The following ENOX2 variants were observed in gnomAD, a reference collection of about 807,000 sequenced individuals.
The protein encoded by ENOX2 is ecto-NOX disulfide-thiol exchanger 2.
ENOX2 carries 36 observed loss-of-function variants against 45.0 expected under a neutral mutation model. The observed-to-expected ratio is 0.80, with a 90% CI of 0.61 to 1.06. ENOX2 has a LOEUF of 1.06. ENOX2 is among the 50% of genes least tolerant of loss of function. The pLI, the probability that ENOX2 is intolerant of heterozygous loss-of-function variation, is 0.00. For synonymous variants in ENOX2, 174 were observed against 152.3 expected, an observed-to-expected ratio of 1.14 and a Z score of -1.05; for missense variants, 423 against 462.5, an observed-to-expected ratio of 0.91 and a Z score of 0.78.
chrX:130,897,418 A>T (rs1227928741), intron 2 of ENOX2, among the ~76,000 whole-genome samples: 1 of 112,404 alleles, frequency 8.9e-6, no homozygotes, highest in Admixed American at 9.4e-5. Flanking sequence ...TGGAAAATAA[A>T]GAAAACAGAG....
chrX:130,645,290 C>A (rs774371425), intron 10 of ENOX2, among the ~76,000 whole-genome samples: 73 of 111,460 alleles, frequency 6.5e-4, no homozygotes, highest in Admixed American at 1.1e-3. Flanking sequence ...TAAGGGTAGA[C>A]ATAAATTAGA....
chrX:130,873,885 G>A (rs993518726), intron 2 of ENOX2, among the ~76,000 whole-genome samples: 2 of 108,476 alleles, frequency 1.8e-5, no homozygotes, highest in Non-Finnish European at 3.8e-5. Context: ...CACACACGGG[G>A]GCCTGTCAGG....
chrX:130,773,456 T>C (rs933070655), intron 3 of ENOX2, among the ~76,000 whole-genome samples: 16 of 112,653 alleles, frequency 1.4e-4, no homozygotes, highest in Admixed American at 7.6e-4. Flanking sequence ...GGGAATGGTG[T>C]CTATCTTACA....
At chrX:130,692,394 T>A (rs1391421628) in intron 4 of ENOX2, among the ~76,000 whole-genome samples, 1 of 112,761 alleles carries the variant, frequency 8.9e-6, no homozygotes, top group African/African-American at 3.2e-5. Flanking sequence ...TTTCAAAGAT[T>A]TGAAATCATA....
At chrX:130,758,024 T>C (rs1000172840) in intron 3 of ENOX2, among the ~76,000 whole-genome samples, 4 of 112,346 alleles carry the variant, frequency 3.6e-5, no homozygotes, top group Non-Finnish European at 7.5e-5. Flanking sequence ...ATACAGTTGT[T>C]ATGAGAAGTA....
intron 3 of ENOX2, among the ~76,000 whole-genome samples, chrX:130,754,240 T>C (rs1303274397): frequency 4.5e-5 from 5 of 111,974 alleles, no homozygotes; most frequent in Admixed American, 9.4e-5. Context: ...AGCTGAAGTA[T>C]AAAATTTCTT....
At chrX:130,645,856 G>C in intron 10 of ENOX2, 1 of 681,949 alleles carries the variant, frequency 1.5e-6, no homozygotes. Context: ...GTGAGAGAGA[G>C]GAATCCCCTG....
chrX:130,826,236 T>C (rs765790831), intron 2 of ENOX2, among the ~76,000 whole-genome samples: 2 of 112,137 alleles, frequency 1.8e-5, no homozygotes, highest in Non-Finnish European at 3.8e-5. Context: ...AGACATTATG[T>C]CAACTCTGAA....
At chrX:130,873,350 T>C (rs952617596) in intron 2 of ENOX2, among the ~76,000 whole-genome samples, 2 of 111,939 alleles carry the variant, frequency 1.8e-5, no homozygotes, top group African/African-American at 6.5e-5. Flanking sequence ...TGAGATACCA[T>C]CTCACACCAG....
intron 12 of ENOX2, among the ~76,000 whole-genome samples, chrX:130,631,902 C>G (rs1459536449): frequency 1.9e-5 from 2 of 108,101 alleles, no homozygotes; most frequent in African/African-American, 3.4e-5. Context: ...ATGCTAGGCA[C>G]TGTTAGGTAA....
intron 3 of ENOX2, among the ~76,000 whole-genome samples, chrX:130,756,306 C>G (rs2039353922): frequency 8.9e-6 from 1 of 112,100 alleles, no homozygotes; most frequent in African/African-American, 3.2e-5. Context: ...CAAATTGCTG[C>G]CTGCGGATGT....
chrX:130,801,585 C>T (rs751660143), intron 2 of ENOX2, among the ~76,000 whole-genome samples: 1 of 111,829 alleles, frequency 8.9e-6, no homozygotes, highest in Non-Finnish European at 1.9e-5. Context: ...CTTCATAATA[C>T]CGTAATTCAT....
At chrX:130,703,992 C>T (rs1442551103) in intron 3 of ENOX2, among the ~76,000 whole-genome samples, 1 of 112,041 alleles carries the variant, frequency 8.9e-6, no homozygotes, top group Admixed American at 9.5e-5. Context: ...ACTTGGCATG[C>T]ATCATTCTCA....
At chrX:130,866,153 A>G (rs774096407) in intron 2 of ENOX2, among the ~76,000 whole-genome samples, 29 of 111,476 alleles carry the variant, frequency 2.6e-4, no homozygotes, top group Admixed American at 1.0e-3. Context: ...TCTAGTCTCA[A>G]TATCAATCCT....
chrX:130,703,644 T>G (rs765959851), intron 3 of ENOX2, among the ~76,000 whole-genome samples: 1 of 111,435 alleles, frequency 9.0e-6, no homozygotes, highest in Non-Finnish European at 1.9e-5. Flanking sequence ...TCCAAACTAC[T>G]TATGCATGTA....
intron 2 of ENOX2, among the ~76,000 whole-genome samples, chrX:130,892,838 A>T (rs1399345249): frequency 3.5e-5 from 4 of 112,777 alleles, no homozygotes; most frequent in East Asian, 5.5e-4. Flanking sequence ...AAAATTTTTT[A>T]AAACTGTACT....
At chrX:130,722,473 C>T (rs2038504092) in intron 3 of ENOX2, among the ~76,000 whole-genome samples, 1 of 112,031 alleles carries the variant, frequency 8.9e-6, no homozygotes, top group Non-Finnish European at 1.9e-5. Flanking sequence ...CAGCTGCTTG[C>T]TATTTCCTGG....
chrX:130,703,087 T>C (rs373541381), intron 4 of ENOX2, 33 bp downstream of exon 4: 1 of 1,178,056 alleles, frequency 8.5e-7, no homozygotes, highest in Non-Finnish European at 1.1e-6. Flanking sequence ...TCAATAAAAA[T>C]AAGCACTTGC....
chrX:130,902,508 CA>C (rs1209264818), intron 1 of ENOX2, among the ~76,000 whole-genome samples: 2 of 108,397 alleles, frequency 1.8e-5, no homozygotes, highest in South Asian at 8.2e-4. Context: ...AGATGGCGAT[CA>C]ATTAAGGAGG....
Sources: allele counts gnomAD v4.1 joint callset (sites outside exome capture counted in the v4.1 genomes callset), GRCh38; gene constraint gnomAD v4.1.1; transcripts MANE v1.5; gene names NCBI Gene and HGNC (gene_info 2026-07-23, HGNC 2026-07-21).